CALN1: variants seen among roughly 807,000 people sequenced by gnomAD.
CALN1 encodes the protein calneuron 1.
Under a neutral mutation model 30.6 loss-of-function variants are expected in CALN1, and 17 were observed. That is an observed-to-expected ratio of 0.56 (90% CI 0.38 to 0.83). CALN1 has a LOEUF of 0.83. Among genes scored for constraint, CALN1 ranks in the 40% least tolerant of loss-of-function variants. The pLI is 0.00. For synonymous variants in CALN1, 156 were observed against 131.4 expected (o/e 1.19, Z -1.28); for missense variants, 291 against 354.9 (o/e 0.82, Z 1.45).
chr7:72,449,452 C>T (rs1488630803), upstream of CALN1, among the ~76,000 whole-genome samples: 1 of 152,192 alleles, frequency 6.6e-6, no homozygotes, highest in Non-Finnish European at 1.5e-5. Context: ...AAAGAGTAGG[C>T]TTTCAGCAAA....
chr7:72,148,982 G>GAGGAAGGA (rs1554455636), intron 3 of CALN1, among the ~76,000 whole-genome samples: 40 of 143,130 alleles, frequency 2.8e-4, no homozygotes, highest in African/African-American at 1.0e-3. Context: ...GGGAGGGAGG[G>GAGGAAGGA]AGGAAGGAAG....
chr7:72,250,483 G>A (rs112107255), intron 3 of CALN1, among the ~76,000 whole-genome samples: 3 of 152,246 alleles, frequency 2.0e-5, no homozygotes, highest in African/African-American at 4.8e-5. Context: ...TTCACATGTG[G>A]TACAGACTCA....
intron 4 of CALN1, among the ~76,000 whole-genome samples, chr7:72,059,258 C>T (rs1803484285): frequency 6.6e-6 from 1 of 152,112 alleles, no homozygotes; most frequent in African/African-American, 2.4e-5. Flanking sequence ...AGAGGGATTA[C>T]TTTTTCCTGC....
intron 2 of CALN1, among the ~76,000 whole-genome samples, chr7:72,371,451 G>A (rs183885524): frequency 7.2e-5 from 11 of 152,232 alleles, no homozygotes; most frequent in South Asian, 2.1e-4. Context: ...GTTCTCATGA[G>A]ATCTGATGGT....
rs1245212387 is a variant in CALN1 at position 72,141,281 on chromosome 7, G to C, written c.245-34987C>G. ...TACTCCAGCCTAAGTGACAGGGCAT[G>C]ATCCTGTCTTAAAAAAAGAAAAGAA... On this transcript the variant is annotated intron_variant, in intron 3 of 6. Transcript: ENST00000395275. 3.3e-5 allele frequency among the ~76,000 whole-genome samples: 5 copies of C among 151,816 alleles called. No individual in the cohort carries two copies. In the East Asian group the frequency reaches 9.6e-4, roughly 29 times the overall value.
At chr7:72,035,564 CT>C (rs1393040355) in intron 4 of CALN1, among the ~76,000 whole-genome samples, 3 of 152,034 alleles carry the variant, frequency 2.0e-5, no homozygotes, top group African/African-American at 7.2e-5. Context: ...TGTAGTTGAT[CT>C]TTTTGTAGTG....
At chr7:72,146,325 A>G (rs1390903539) in intron 3 of CALN1, among the ~76,000 whole-genome samples, 3 of 152,108 alleles carry the variant, frequency 2.0e-5, no homozygotes, top group South Asian at 2.1e-4. Context: ...TTATACACCA[A>G]TAACAGACAG....
intron 2 of CALN1, among the ~76,000 whole-genome samples, chr7:72,324,411 G>A (rs915639733): frequency 6.6e-6 from 1 of 151,742 alleles, no homozygotes; most frequent in African/African-American, 2.4e-5. Flanking sequence ...ATTTATGACG[G>A]GGTCACTGTC....
the CALN1 span, among the ~76,000 whole-genome samples, chr7:72,482,482 C>A: frequency 6.6e-6 from 1 of 152,038 alleles, no homozygotes; most frequent in South Asian, 2.1e-4. Context: ...TGAATTTTTT[C>A]TTTTATTCCA....
At chr7:72,066,729 C>G (rs1320097302) in intron 4 of CALN1, among the ~76,000 whole-genome samples, 1 of 152,052 alleles carries the variant, frequency 6.6e-6, no homozygotes. Context: ...CCTCCTGCCT[C>G]AGCCTCTGAG....
At chr7:71,857,016 A>ATGTGTGTGTGTG (rs200594767) in intron 5 of CALN1, among the ~76,000 whole-genome samples, 6 of 142,224 alleles carry the variant, frequency 4.2e-5, no homozygotes, top group Non-Finnish European at 6.2e-5. Flanking sequence ...GTGTATATGT[A>ATGTGTGTGTGTG]TGTGTGTGTG....
intron 2 of CALN1, among the ~76,000 whole-genome samples, chr7:72,294,620 G>A (rs1344604636): frequency 3.3e-5 from 5 of 150,402 alleles, no homozygotes; most frequent in East Asian, 3.9e-4. Flanking sequence ...GTGGTGGTGC[G>A]CACCTGTAGT....
intron 2 of CALN1, among the ~76,000 whole-genome samples, chr7:72,356,303 A>G (rs1181661353): frequency 1.3e-5 from 2 of 150,348 alleles, no homozygotes; most frequent in African/African-American, 5.0e-5. Flanking sequence ...TTGTATTTTA[A>G]TCTAATAATA....
intron 2 of CALN1, among the ~76,000 whole-genome samples, chr7:72,283,846 A>G (rs1797894037): frequency 1.3e-5 from 2 of 151,942 alleles, no homozygotes; most frequent in Admixed American, 6.6e-5. Context: ...ACTTGAATGG[A>G]AAGTGCCAGA....
chr7:72,409,488 A>G (rs1326475243), intron 1 of CALN1, among the ~76,000 whole-genome samples: 1 of 145,108 alleles, frequency 6.9e-6, no homozygotes, highest in Admixed American at 6.8e-5. Flanking sequence ...AGGCATATGG[A>G]TAGTCTGAGT....
intron 3 of CALN1, among the ~76,000 whole-genome samples, chr7:72,204,471 C>G (rs1043918025): frequency 6.6e-6 from 1 of 152,074 alleles, no homozygotes; most frequent in African/African-American, 2.4e-5. Context: ...ACACAACCAA[C>G]CCGATCATTG....
intron 1 of CALN1, among the ~76,000 whole-genome samples, chr7:72,443,262 G>A (rs1004686756): frequency 9.9e-5 from 15 of 152,218 alleles, no homozygotes; most frequent in African/African-American, 3.4e-4. Context: ...GGAGATTTTG[G>A]GTGTTGTGTT....
At chr7:71,802,109 C>T (rs1787347045) in intron 6 of CALN1, among the ~76,000 whole-genome samples, 1 of 152,174 alleles carries the variant, frequency 6.6e-6, no homozygotes, top group Admixed American at 6.5e-5. Context: ...TTCTGGACTG[C>T]ATCCATATGG....
At chr7:72,160,330 G>C (rs1035452860) in intron 3 of CALN1, among the ~76,000 whole-genome samples, 1 of 151,340 alleles carries the variant, frequency 6.6e-6, no homozygotes, top group Non-Finnish European at 1.5e-5. Flanking sequence ...CCAGGCTGGA[G>C]TGCAGTAGTG....
Sources: gnomAD v4.1 joint callset for allele counts (sites outside exome capture counted in the v4.1 genomes callset) on GRCh38, gnomAD v4.1.1 for gene constraint, MANE v1.5 for transcripts, NCBI Gene and HGNC (gene_info 2026-07-23, HGNC 2026-07-21) for gene names.